Variants in NANOS3 observed in about 807,000 individuals in gnomAD.
NANOS3 encodes nanos homolog 3.
Under a neutral mutation model 13.8 loss-of-function variants are expected in NANOS3, and 11 were observed. The observed-to-expected ratio is 0.80, with a 90% CI of 0.50 to 1.32. The LOEUF is 1.32. Ranked by LOEUF, NANOS3 falls within the 40% of genes most tolerant of loss-of-function variation. NANOS3 has a pLI of 0.00. For missense variants in NANOS3, 221 were observed against 263.8 expected (o/e 0.84, Z 1.12); for synonymous variants, 119 against 115.4 (o/e 1.03, Z -0.20).
At chr19:13,877,113 G>A (rs1968527692), upstream of NANOS3, 2 of 758,434 alleles carry the variant, frequency 2.6e-6, no homozygotes, top group Non-Finnish European at 4.4e-6. Context: ...GTAAAAGGAG[G>A]GTCGGCCAGC....
At chr19:13,875,435 C>G (rs991965107), upstream of NANOS3, among the ~76,000 whole-genome samples, 1 of 151,854 alleles carries the variant, frequency 6.6e-6, no homozygotes. Context: ...AATCCTCCCC[C>G]CTCGGCCTCC....
At chr19:13,871,998 C>G (rs1976334940) in intron 1 of NANOS3, among the ~76,000 whole-genome samples, 1 of 149,250 alleles carries the variant, frequency 6.7e-6, no homozygotes, top group Non-Finnish European at 1.5e-5. Flanking sequence ...GACCCCGTCT[C>G]AAAACAAAAC....
Position 13,877,185 on chromosome 19 carries a change from A to C in NANOS3, c.-64A>C. On this transcript the variant is annotated 5_prime_UTR_variant, in exon 1 of 2. Coordinates refer to ENST00000339133, the MANE Select transcript of NANOS3 (RefSeq NM_001098622.3). ...CAGCAGAGAGGGGTCAGAAGGAGGG[A>C]GCTTAAGCCAGGCAGGGTTACTTGT... The C allele has an allele frequency of 1.8e-5, 25 of 1,392,358 alleles. No individual in the cohort carries two copies. The South Asian group carries it at 2.7e-4, about 15-fold the overall frequency. The allele number at this position is 1,392,358 out of a possible 1,614,324, so 86.3% of individuals were successfully genotyped here.
chr19:13,877,825 A>C, intron 1 of NANOS3, 60 bp downstream of exon 1: 1 of 1,500,286 alleles, frequency 6.7e-7, no homozygotes, highest in Non-Finnish European at 8.9e-7. Flanking sequence ...CCCCCCTGTG[A>C]AGTAAGATTA....
chr19:13,868,587 G>A (rs1225161559), intron 1 of NANOS3, among the ~76,000 whole-genome samples: 3 of 151,668 alleles, frequency 2.0e-5, no homozygotes, highest in Non-Finnish European at 4.4e-5. Context: ...AGGCTGAGGC[G>A]GGAGGATCGC....
At chr19:13,871,003 A>C (rs992494928) in intron 1 of NANOS3, among the ~76,000 whole-genome samples, 2 of 151,814 alleles carry the variant, frequency 1.3e-5, no homozygotes, top group African/African-American at 4.8e-5. Flanking sequence ...GATAAAGAAG[A>C]AGCAAAATGA....
chr19:13,864,015 T>A (rs1468326390), upstream of NANOS3, among the ~76,000 whole-genome samples: 3 of 151,216 alleles, frequency 2.0e-5, no homozygotes, highest in African/African-American at 7.3e-5. Context: ...CAGACTGGGG[T>A]GGGGGATAAA....
chr19:13,864,272 C>T (rs1292441467), upstream of NANOS3, among the ~76,000 whole-genome samples: 1 of 152,058 alleles, frequency 6.6e-6, no homozygotes, highest in East Asian at 1.9e-4. Context: ...TCCGGGGAGC[C>T]CCATCCTTTG....
At chr19:13,862,840 G>A (rs1347399057), upstream of NANOS3, among the ~76,000 whole-genome samples, 2 of 152,130 alleles carry the variant, frequency 1.3e-5, no homozygotes, top group Non-Finnish European at 2.9e-5. Context: ...CCTGGCCCCA[G>A]CCCTGCCTCT....
chr19:13,867,767 C>T (rs1976264545), intron 1 of NANOS3, among the ~76,000 whole-genome samples: 1 of 152,060 alleles, frequency 6.6e-6, no homozygotes, highest in Non-Finnish European at 1.5e-5. Context: ...CACATGGACA[C>T]ACAGTTGTTC....
chr19:13,862,884 C>G (rs1431445902), upstream of NANOS3, among the ~76,000 whole-genome samples: 1 of 152,226 alleles, frequency 6.6e-6, no homozygotes, highest in Non-Finnish European at 1.5e-5. Context: ...AGGGCAGGCC[C>G]CATCTGGGCC....
chr19:13,878,055 C>A (rs140149237), intron 1 of NANOS3, among the ~76,000 whole-genome samples: 1 of 151,530 alleles, frequency 6.6e-6, no homozygotes, highest in Admixed American at 6.6e-5. Flanking sequence ...ATTATAGGCG[C>A]GCGCCACCAC....
chr19:13,875,016 G>T (rs1363674523), upstream of NANOS3: 1 of 468,820 alleles, frequency 2.1e-6, no homozygotes. Flanking sequence ...GGGGACTGGG[G>T]ACAGGACCCC....
chr19:13,864,456 C>T (rs773771092), upstream of NANOS3, among the ~76,000 whole-genome samples: 8 of 152,114 alleles, frequency 5.3e-5, no homozygotes, highest in Non-Finnish European at 1.2e-4. Flanking sequence ...TCTGCCTCTG[C>T]GACTGGTCCA....
intron 1 of NANOS3, among the ~76,000 whole-genome samples, chr19:13,869,774 GCACACACACACACA>G (rs745893055): frequency 6.9e-6 from 1 of 144,368 alleles, no homozygotes; most frequent in Admixed American, 6.9e-5. Context: ...ACACACGCAC[GCACACACACACACA>G]CACGCACACA....
chr19:13,877,762 G>A lies in NANOS3; in HGVS notation c.514G>A (p.Ala172Thr), dbSNP rs1432514524. ...TGHRRGGGGG[A>T]GFRGAGKSEP... ...CCACCGCCGAGGAGGAGGAGGAGGAGCAGGTGCCTGCACAGGTGGCTGGGG... is the reference window on the plus strand; with the variant it reads ...CCACCGCCGAGGAGGAGGAGGAGGAACAGGTGCCTGCACAGGTGGCTGGGG... The change falls in exon 1 of 2, where the codon GCA (alanine) becomes ACA (threonine). Residue 172 changes from alanine (A) to threonine (T), a missense_variant. Coordinates refer to ENST00000339133, the MANE Select transcript of NANOS3 (RefSeq NM_001098622.3). 1.3e-6 allele frequency: 2 copies of A among 1,555,978 alleles called. No individual in the cohort carries two copies. The highest frequency in any genetic ancestry group is 1.9e-5 in the Admixed American group (1 of 52,096).
At chr19:13,864,761 C>G (rs1181622811), upstream of NANOS3, among the ~76,000 whole-genome samples, 1 of 152,030 alleles carries the variant, frequency 6.6e-6, no homozygotes, top group Non-Finnish European at 1.5e-5. Flanking sequence ...AAGGACCTTC[C>G]CTCCTGTCCT....
At chr19:13,862,352 G>T (rs1446083271), upstream of NANOS3, among the ~76,000 whole-genome samples, 1 of 152,054 alleles carries the variant, frequency 6.6e-6, no homozygotes, top group African/African-American at 2.4e-5. Context: ...CGGGGAGGAG[G>T]GGGAGGAGAC....
chr19:13,873,835 C>A (rs913889011), upstream of NANOS3, among the ~76,000 whole-genome samples: 1 of 151,690 alleles, frequency 6.6e-6, no homozygotes, highest in African/African-American at 2.4e-5. Context: ...GCTCGCCCAT[C>A]CCTGGTCGTC....
Sources: gnomAD v4.1 joint callset for allele counts (sites outside exome capture counted in the v4.1 genomes callset) on GRCh38, gnomAD v4.1.1 for gene constraint, MANE v1.5 for transcripts, NCBI Gene and HGNC (gene_info 2026-07-23, HGNC 2026-07-21) for gene names.